Variants in POT1 observed in about 807,000 individuals in gnomAD.
The protein encoded by POT1 is protection of telomeres 1, also known as protection of telomeres protein 1.
POT1 carries 47 observed loss-of-function variants against 78.5 expected under a neutral mutation model. That is an observed-to-expected ratio of 0.60 (90% CI 0.47 to 0.76). The LOEUF (loss-of-function observed/expected upper bound fraction) is 0.76. POT1 is among the 30% of genes least tolerant of loss of function. The probability of loss-of-function intolerance (pLI) is 0.00; values close to 1 mark genes in which losing one functional copy is unlikely to be tolerated. For synonymous variants in POT1, 259 were observed against 260.7 expected, an observed-to-expected ratio of 0.99 and a Z score of 0.06; for missense variants, 646 against 749.9, an observed-to-expected ratio of 0.86 and a Z score of 1.62.
chr7:124,838,571 A>C lies in POT1; in HGVS notation c.1369+2402T>G, dbSNP rs1005167826. ...TCATCGTCAATAACATCAAGTTGTT[A>C]GTTCTCTGTCTCCACCGTGACTTAT... On this transcript the variant is annotated intron_variant, in intron 14 of 18. Coordinates refer to ENST00000357628, the MANE Select transcript of POT1 (RefSeq NM_015450.3). Among the ~76,000 whole-genome samples the C allele has an allele frequency of 2.6e-5, 4 of 152,088 alleles. No homozygotes were observed. The South Asian group carries it at 8.3e-4, about 31-fold the overall frequency.
chr7:124,899,381 G>T (rs1448571236), intron 3 of POT1, among the ~76,000 whole-genome samples: 1 of 152,030 alleles, frequency 6.6e-6, no homozygotes, highest in Admixed American at 6.6e-5. Flanking sequence ...TTCTTCACAT[G>T]AGATTGCAAA....
rs775077086 is a variant in POT1 at position 124,827,260 on chromosome 7, G to A, written c.1640C>T (p.Thr547Ile). 1 of 1,600,762 alleles carries A rather than the reference G, an allele frequency of 6.2e-7. No homozygotes were observed. ...TAGTACTCCTGTTCCATCATCAAGTGTAAAGGTCATAACAAACACATATTG... is the reference window on the plus strand; with the variant it reads ...TAGTACTCCTGTTCCATCATCAAGTATAAAGGTCATAACAAACACATATTG... ...PLQYVFVMTF[T>I]LDDGTGVLEA... Residue 547 changes from threonine (T) to isoleucine (I), a missense_variant, in exon 17 of 19, where the codon ACA (threonine) becomes ATA (isoleucine). Thr to Ile is a moderately conservative substitution (Grantham distance 89). Around this residue, in one of 2 missense-constraint regions of POT1, gnomAD observed 394 missense variants for 408.4 expected, o/e 0.96. Coordinates refer to ENST00000357628, the MANE Select transcript of POT1 (RefSeq NM_015450.3).
intron 7 of POT1, among the ~76,000 whole-genome samples, chr7:124,866,853 C>T (rs1562995036): frequency 1.3e-5 from 2 of 152,178 alleles, no homozygotes; most frequent in Non-Finnish European, 1.5e-5. Flanking sequence ...GTTAATTTTT[C>T]GTAACACAGA....
chr7:124,853,187 A>G, intron 9 of POT1, 49 bp from the exon 10 acceptor site: 2 of 1,387,570 alleles, frequency 1.4e-6, no homozygotes, highest in Non-Finnish European at 2.0e-6. Flanking sequence ...AAATTAAAAT[A>G]CTTCTGATAT....
At chr7:124,834,007 G>A (rs1794832195) in intron 15 of POT1, among the ~76,000 whole-genome samples, 1 of 152,202 alleles carries the variant, frequency 6.6e-6, no homozygotes, top group African/African-American at 2.4e-5. Flanking sequence ...ACAAGCAATG[G>A]GGAAAGGATT....
chr7:124,891,653 T>G (rs1001082502), intron 6 of POT1, among the ~76,000 whole-genome samples: 3 of 151,672 alleles, frequency 2.0e-5, no homozygotes, highest in African/African-American at 4.8e-5. Context: ...CATGCTTTGA[T>G]TCCCTTCTCA....
At chr7:124,838,870 G>A (rs1037849853) in intron 14 of POT1, among the ~76,000 whole-genome samples, 1 of 152,094 alleles carries the variant, frequency 6.6e-6, no homozygotes. Flanking sequence ...CTCCCAAAGT[G>A]CTAAGATTAC....
At chr7:124,914,196 C>T (rs926951567) in intron 3 of POT1, among the ~76,000 whole-genome samples, 1 of 150,424 alleles carries the variant, frequency 6.6e-6, no homozygotes, top group Non-Finnish European at 1.5e-5. Flanking sequence ...CTCCATTGAT[C>T]TCTGTCTATC....
At chr7:124,903,212 C>A (rs1333416418) in intron 3 of POT1, among the ~76,000 whole-genome samples, 1 of 152,202 alleles carries the variant, frequency 6.6e-6, no homozygotes, top group Non-Finnish European at 1.5e-5. Context: ...TCCAAATCAA[C>A]AGAATATACA....
chr7:124,917,045 C>A (rs1797030801), intron 2 of POT1, among the ~76,000 whole-genome samples: 1 of 152,038 alleles, frequency 6.6e-6, no homozygotes, highest in African/African-American at 2.4e-5. Flanking sequence ...GAAAAAAACA[C>A]CTTCTATCCC....
At chr7:124,870,501 C>A (rs912448516) in intron 7 of POT1, among the ~76,000 whole-genome samples, 1 of 152,034 alleles carries the variant, frequency 6.6e-6, no homozygotes. Context: ...CTTGAATTAA[C>A]ACAAGAAATG....
intron 15 of POT1, among the ~76,000 whole-genome samples, chr7:124,829,565 T>A (rs1250184686): frequency 6.6e-6 from 1 of 152,088 alleles, no homozygotes; most frequent in Non-Finnish European, 1.5e-5. Context: ...AGATTCAGAA[T>A]AAACAACTCT....
chr7:124,864,546 C>T (rs1415737495), intron 7 of POT1, among the ~76,000 whole-genome samples: 2 of 150,092 alleles, frequency 1.3e-5, no homozygotes, highest in Non-Finnish European at 3.0e-5. Context: ...TTCTTGTTTT[C>T]TTTTTGGAAT....
intron 3 of POT1, among the ~76,000 whole-genome samples, chr7:124,902,747 C>G (rs74385803): frequency 6.6e-6 from 1 of 152,146 alleles, no homozygotes; most frequent in South Asian, 2.1e-4. Flanking sequence ...GATAAATCGT[C>G]AAGACCCCTC....
At chr7:124,851,752 T>A in intron 11 of POT1, 120 bp downstream of exon 11, 1 of 752,306 alleles carries the variant, frequency 1.3e-6, no homozygotes, top group Non-Finnish European at 2.2e-6. Context: ...TTTAGTATGT[T>A]CCTCTACTAC....
chr7:124,901,818 G>C (rs1434297409), intron 3 of POT1, among the ~76,000 whole-genome samples: 1 of 152,062 alleles, frequency 6.6e-6, no homozygotes, highest in Non-Finnish European at 1.5e-5. Flanking sequence ...AGAATAAATA[G>C]AGAAGACCTT....
rs1794573261 is a variant in POT1, at chr7:124,824,078, C to CA, written c.1793-5dup. ...CATTCCAACCACGGATATGCATCTA[C>CA]AAAAACAAAAACAAAAAAAGCGATT... On this transcript the variant is annotated splice_polypyrimidine_tract_variant and splice_region_variant and intron_variant, in intron 18 of 18. Coordinates refer to ENST00000357628, the MANE Select transcript of POT1 (RefSeq NM_015450.3). 1 of 1,522,734 alleles carries CA rather than the reference C, an allele frequency of 6.6e-7. No individual in the cohort carries two copies. Among genetic ancestry groups the CA allele is most frequent in the South Asian group, 1.2e-5 (1 of 83,972 alleles). The allele number at this position is 1,522,734 out of a possible 1,614,324, so 94.3% of individuals were successfully genotyped here.
intron 16 of POT1, among the ~76,000 whole-genome samples, chr7:124,828,314 G>A (rs1055449631): frequency 2.0e-5 from 3 of 152,064 alleles, no homozygotes; most frequent in Non-Finnish European, 2.9e-5. Flanking sequence ...TAATAATTTG[G>A]TAAGATAAGG....
chr7:124,894,371 C>T (rs73719077), intron 5 of POT1, among the ~76,000 whole-genome samples: 2,291 of 151,556 alleles, frequency 0.015, 67 homozygotes, highest in African/African-American at 0.053. Context: ...AATATTCTAT[C>T]TTAACATCTC....
Sources: gnomAD v4.1 joint callset for allele counts (sites outside exome capture counted in the v4.1 genomes callset) on GRCh38, gnomAD v4.1.1 for gene constraint, gnomAD v4.1.1 regional missense constraint, MANE v1.5 for transcripts, NCBI Gene and HGNC (gene_info 2026-07-23, HGNC 2026-07-21) for gene names.